Variants in SDR42E1 observed in about 807,000 individuals in gnomAD.
SDR42E1 encodes the protein short-chain dehydrogenase/reductase family 42E member 1.
Under a neutral mutation model 2.6 loss-of-function variants are expected in SDR42E1, and 5 were observed. That is an observed-to-expected ratio of 1.94 (90% CI 1.01 to 4.08). The LOEUF (loss-of-function observed/expected upper bound fraction) is 4.08. Ranked by LOEUF, SDR42E1 falls within the 30% of genes most tolerant of loss-of-function variation. SDR42E1 has a pLI of 0.00. For synonymous variants in SDR42E1, 231 were observed against 188.3 expected (o/e 1.23, Z -1.86); for missense variants, 596 against 478.6 (o/e 1.25, Z -2.29).
rs1912394591 is a variant in SDR42E1, at chr16:81,990,126, A to C, written c.*8985T>G. ...CAGGAGTTTGAGACCAGCCTGGGCA[A>C]AACGGTGAGACCCTGTCTCTACAAA... On this transcript the variant is annotated 3_prime_UTR_variant, in exon 3 of 3. Coordinates refer to ENST00000328945, the MANE Select transcript of SDR42E1 (RefSeq NM_145168.3). 6.6e-6 allele frequency: 1 copy of C among 152,314 alleles called. No individual in the cohort carries two copies. Among genetic ancestry groups the C allele is most frequent in the Non-Finnish European group, 1.5e-5 (1 of 68,148 alleles). The allele number at this position is 152,314 out of a possible 1,614,324, so 9.4% of individuals were successfully genotyped here. A position where few individuals can be genotyped will look rare whatever the true frequency, so the allele number is the denominator to read the frequency against.
At chr16:82,000,465 T>C in intron 2 of SDR42E1, 1 of 662,860 alleles carries the variant, frequency 1.5e-6, no homozygotes, top group Non-Finnish European at 2.7e-6. Context: ...TGGTGGCATT[T>C]TTCCCCCTTG....
At position 81,996,275 on chromosome 16, in the gene SDR42E1, A is replaced by G. The variant is rs1177104649; in HGVS notation, c.*2836T>C. On this transcript the variant is annotated 3_prime_UTR_variant, in exon 3 of 3. Coordinates refer to ENST00000328945, the MANE Select transcript of SDR42E1 (RefSeq NM_145168.3). Reference sequence around the variant, plus strand: ...GGTGTGGATATGGGTGGAAGAGCAAATGGGCTACTAGTGGAATCTATGGGA... The same window carrying G: ...GGTGTGGATATGGGTGGAAGAGCAAGTGGGCTACTAGTGGAATCTATGGGA... 1.3e-5 allele frequency: 2 copies of G among 151,960 alleles called. No individual in the cohort carries two copies. The highest frequency in any genetic ancestry group is 4.8e-5 in the African/African-American group (2 of 41,312). 9.4% of individuals were successfully genotyped at this position (151,960 alleles called of 1,614,324 possible).
At chr16:82,002,596 T>G (rs917644293) in intron 1 of SDR42E1, among the ~76,000 whole-genome samples, 14 of 152,108 alleles carry the variant, frequency 9.2e-5, no homozygotes, top group African/African-American at 3.4e-4. Context: ...TAAATAAACT[T>G]GCCCAAGCTT....
chr16:81,995,483 A>G lies in SDR42E1; in HGVS notation c.*3628T>C, dbSNP rs749878153. 5.3e-5 allele frequency: 8 copies of G among 152,246 alleles called. No homozygotes were observed. Among genetic ancestry groups the G allele is most frequent in the Admixed American group, 5.2e-4 (8 of 15,278 alleles). The allele number at this position is 152,246 out of a possible 1,614,324, so 9.4% of individuals were successfully genotyped here. ...TTCAGCTGAGATGTGGAGGGAGCACAAATCACTTGGCCCACATTCCTTCCC... is the reference window on the plus strand; with the variant it reads ...TTCAGCTGAGATGTGGAGGGAGCACGAATCACTTGGCCCACATTCCTTCCC... On this transcript the variant is annotated 3_prime_UTR_variant, in exon 3 of 3. Transcript: ENST00000328945.
intron 1 of SDR42E1, among the ~76,000 whole-genome samples, chr16:82,009,121 G>C (rs1403128921): frequency 1.3e-5 from 2 of 152,212 alleles, no homozygotes; most frequent in Non-Finnish European, 2.9e-5. Flanking sequence ...AGGTTTCAGA[G>C]GATGTATGGA....
At chr16:82,003,296 T>C (rs776492989) in intron 1 of SDR42E1, among the ~76,000 whole-genome samples, 1 of 152,382 alleles carries the variant, frequency 6.6e-6, no homozygotes, top group Middle Eastern at 3.4e-3. Flanking sequence ...CTTGTGATTC[T>C]ATTGTTTTCT....
At chr16:82,010,688 A>AAAAAC (rs1333711617) in intron 1 of SDR42E1, among the ~76,000 whole-genome samples, 3 of 152,174 alleles carry the variant, frequency 2.0e-5, no homozygotes, top group African/African-American at 7.2e-5. Context: ...TTCCAGACCG[A>AAAAAC]AAAACATGTT....
chr16:82,005,728 G>A (rs1469076549), intron 1 of SDR42E1, among the ~76,000 whole-genome samples: 4 of 152,142 alleles, frequency 2.6e-5, no homozygotes, highest in Non-Finnish European at 5.9e-5. Flanking sequence ...CCAAAATGTG[G>A]CTTTGTTCAG....
intron 1 of SDR42E1, among the ~76,000 whole-genome samples, chr16:82,005,053 G>T (rs1317388346): frequency 1.3e-5 from 2 of 152,198 alleles, no homozygotes; most frequent in African/African-American, 4.8e-5. Context: ...TCCACCATAA[G>T]GAATTCTGAA....
intron 1 of SDR42E1, among the ~76,000 whole-genome samples, chr16:82,002,466 T>A (rs544071636): frequency 1.3e-5 from 2 of 152,180 alleles, no homozygotes; most frequent in Non-Finnish European, 2.9e-5. Flanking sequence ...TGCTTACTAC[T>A]AGGGCCAGGC....
chr16:82,008,936 G>C (rs1780630860), intron 1 of SDR42E1, among the ~76,000 whole-genome samples: 1 of 152,210 alleles, frequency 6.6e-6, no homozygotes, highest in Non-Finnish European at 1.5e-5. Context: ...GCTCTATGCA[G>C]CCTAGGGACT....
rs184609689 is a variant in SDR42E1 at position 81,993,811 on chromosome 16, G to C, written c.*5300C>G. ...ATCAAACAATTTCCATATAAAACAA[G>C]AGTTTGAACTACTCTGCTTAAAGGT... On this transcript the variant is annotated 3_prime_UTR_variant, in exon 3 of 3. Coordinates refer to ENST00000328945, the MANE Select transcript of SDR42E1 (RefSeq NM_145168.3). 1 of 152,140 alleles carries C rather than the reference G, an allele frequency of 6.6e-6. No homozygotes were observed. Among genetic ancestry groups the C allele is most frequent in the Non-Finnish European group, 1.5e-5 (1 of 68,034 alleles). The allele number at this position is 152,140 out of a possible 1,614,324, so 9.4% of individuals were successfully genotyped here.
In SDR42E1 at chr16:81,999,251, C is replaced by T. The variant is rs754412882; in HGVS notation, c.1042G>A (p.Glu348Lys). Residue 348 changes from glutamate to lysine, a missense_variant, in exon 3 of 3, where the codon GAA (glutamate) becomes AAA (lysine). Physicochemically the swap from Glu to Lys is moderately conservative, Grantham distance 56. Transcript: ENST00000328945. ...CCATGACCATGGGCTTTAAACCATT[C>T]CACTGCTTCCTGGAGGTCAAATGGC... Reference protein sequence around the residue: ...AQPFDLQEAVEWFKAHGHGRS... With the variant: ...AQPFDLQEAVKWFKAHGHGRS... 72 of 1,614,080 alleles carry T rather than the reference C, an allele frequency of 4.5e-5. No homozygotes were observed. The highest frequency in any genetic ancestry group is 5.8e-5 in the Non-Finnish European group (69 of 1,180,044).
In SDR42E1 at chr16:81,999,202, G is replaced by T. The variant is rs748431974; in HGVS notation, c.1091C>A (p.Ser364Ter). 9.3e-6 allele frequency: 15 copies of T among 1,614,042 alleles called. No homozygotes were observed. In the South Asian group the frequency reaches 1.4e-4, roughly 15 times the overall value. The change falls in exon 3 of 3, where the codon TCG (serine) becomes TAG (stop). Residue 364 changes from serine to a stop codon, truncating the protein, a stop_gained. Coordinates refer to ENST00000328945, the MANE Select transcript of SDR42E1 (RefSeq NM_145168.3). LOFTEE classifies it low-confidence loss of function (END_TRUNC). The part of the protein sequence containing the change: ...GHGRSSGSRD[S>*]ECFVWDGLLV... Reference sequence around the variant, plus strand: ...TAGCCCATCCCAAACAAAACACTCCGAGTCACGACTTCCAGAACTTCTGCC... The same window carrying T: ...TAGCCCATCCCAAACAAAACACTCCTAGTCACGACTTCCAGAACTTCTGCC...
rs1912433726 is a variant in SDR42E1 at position 81,991,765 on chromosome 16, G to C, written c.*7346C>G. ...TCAAGTAAACCTGGCTCAAATTTAA[G>C]TTTTGCCACTTCCTAGCTGGTGACG... On this transcript the variant is annotated 3_prime_UTR_variant, in exon 3 of 3. Coordinates refer to ENST00000328945, the MANE Select transcript of SDR42E1 (RefSeq NM_145168.3). The C allele has an allele frequency of 6.6e-6, 1 of 151,454 alleles. No individual in the cohort carries two copies. Among genetic ancestry groups the C allele is most frequent in the Admixed American group, 6.6e-5 (1 of 15,194 alleles). 9.4% of individuals were successfully genotyped at this position (151,454 alleles called of 1,614,324 possible).
Position 81,997,814 on chromosome 16 carries a change from C to T in SDR42E1, c.*1297G>A, listed in dbSNP as rs1389406662. 2 of 151,506 alleles carry T rather than the reference C, an allele frequency of 1.3e-5. No homozygotes were observed. The highest frequency in any genetic ancestry group is 4.8e-5 in the African/African-American group (2 of 41,498). 9.4% of individuals were successfully genotyped at this position (151,506 alleles called of 1,614,324 possible). A position where few individuals can be genotyped will look rare whatever the true frequency, so the allele number is the denominator to read the frequency against. ...AGGGCTTCTGTTCCTTGGTTAAGGC[C>T]ACACACGATATTCACGGTGTTGGTA... On this transcript the variant is annotated 3_prime_UTR_variant, in exon 3 of 3. Transcript: ENST00000328945.
Position 82,000,104 on chromosome 16 carries a change from G to A in SDR42E1, c.189C>T (p.Asp63=), listed in dbSNP as rs757177952. The A allele has an allele frequency of 5.0e-5, 80 of 1,614,060 alleles. No individual in the cohort carries two copies. The highest frequency in any genetic ancestry group is 2.0e-4 in the South Asian group (18 of 91,088). Residue 63 remains aspartate, a synonymous_variant, in exon 3 of 3, where the codon GAC becomes GAT. Transcript: ENST00000328945. ...FIQGDIRHLS[D]VEKAFQDADV... is the part of the protein sequence containing the mutation. Reference sequence around the variant, plus strand: ...CTGCATCCTGGAAGGCTTTCTCTACGTCAGACAGGTGGCGGATGTCTCCTT... The same window carrying A: ...CTGCATCCTGGAAGGCTTTCTCTACATCAGACAGGTGGCGGATGTCTCCTT...
In SDR42E1 at chr16:81,990,045, C is replaced by T. The variant is rs920265056; in HGVS notation, c.*9066G>A. On this transcript the variant is annotated 3_prime_UTR_variant, in exon 3 of 3. Transcript: ENST00000328945. ...AAACATGGTAGGCTGGGCACGGTGGCTCATTCCTGTAATCTCACCACTTTG... is the reference window on the plus strand; with the variant it reads ...AAACATGGTAGGCTGGGCACGGTGGTTCATTCCTGTAATCTCACCACTTTG... The T allele has an allele frequency of 6.6e-6, 1 of 152,450 alleles. No individual in the cohort carries two copies. The highest frequency in any genetic ancestry group is 3.2e-3 in the Middle Eastern group (1 of 316). The allele number at this position is 152,450 out of a possible 1,614,324, so 9.4% of individuals were successfully genotyped here. A position where few individuals can be genotyped will look rare whatever the true frequency, so the allele number is the denominator to read the frequency against.
rs1441216507 is a variant in SDR42E1, at chr16:81,999,100, T to C, written c.*11A>G. The C allele has an allele frequency of 6.2e-7, 1 of 1,609,984 alleles. No homozygotes were observed. The highest frequency in any genetic ancestry group is 8.5e-7 in the Non-Finnish European group (1 of 1,178,232). ...CAGCCAACTGTGATCACCTTATTTCTGGCCCCTCCTTCACAGTGACAGAAT... is the reference window on the plus strand; with the variant it reads ...CAGCCAACTGTGATCACCTTATTTCCGGCCCCTCCTTCACAGTGACAGAAT... On this transcript the variant is annotated 3_prime_UTR_variant, in exon 3 of 3. Transcript: ENST00000328945.
Sources: gnomAD v4.1 joint callset for allele counts (sites outside exome capture counted in the v4.1 genomes callset) on GRCh38, gnomAD v4.1.1 for gene constraint, MANE v1.5 for transcripts, NCBI Gene and HGNC (gene_info 2026-07-23, HGNC 2026-07-21) for gene names.